The following HIVEP1 variants were observed in gnomAD, a reference collection of about 807,000 sequenced individuals.
HIVEP1 encodes the protein HIVEP zinc finger 1.
Under a neutral mutation model 180.0 loss-of-function variants are expected in HIVEP1, and 36 were observed. The observed-to-expected ratio is 0.20, with a 90% CI of 0.15 to 0.26. The LOEUF (loss-of-function observed/expected upper bound fraction) is 0.26, where lower values mean the gene tolerates loss of function less well. HIVEP1 is among the 10% of genes least tolerant of loss of function. HIVEP1 has a pLI of 1.00. For synonymous variants in HIVEP1, 1,239 were observed against 1,239.0 expected (o/e 1.00, Z 0.00); for missense variants, 3,143 against 3,268.7 (o/e 0.96, Z 0.94).
At chr6:12,130,991 GGAAAGCTAAA>G in intron 6 of HIVEP1, 49 bp downstream of exon 6, 1 of 1,393,818 alleles carries the variant, frequency 7.2e-7, no homozygotes, top group Admixed American at 2.0e-5. Flanking sequence ...TATTTAGGTG[GGAAAGCTAAA>G]ACCCAACTGT....
chr6:12,170,842 T>A, the HIVEP1 span, among the ~76,000 whole-genome samples: 12 of 151,982 alleles, frequency 7.9e-5, no homozygotes, highest in Non-Finnish European at 1.5e-4. Context: ...AGTGAAGCAG[T>A]CACAGGACAC....
intron 2 of HIVEP1, among the ~76,000 whole-genome samples, chr6:12,051,001 CATATATAT>C (rs1161977899): frequency 0.011 from 871 of 77,628 alleles, 27 homozygotes; most frequent in African/African-American, 0.032. Flanking sequence ...TACACAAGTG[CATATATAT>C]ATATATATAT....
At position 12,164,479 on chromosome 6, in the gene HIVEP1, T is replaced by G. The variant is rs1760630129; in HGVS notation, c.*18T>G. 1 of 1,555,768 alleles carries G rather than the reference T, an allele frequency of 6.4e-7. No individual in the cohort carries two copies. Among genetic ancestry groups the G allele is most frequent in the African/African-American group, 1.4e-5 (1 of 72,112 alleles). On this transcript the variant is annotated 3_prime_UTR_variant, in exon 9 of 9. Transcript: ENST00000379388. ...CAACCTGATGGATTTTATTTTTTAT[T>G]TGCTTTTTTTTTATATAACACTTAA...
At chr6:12,042,099 G>A (rs1338924735) in intron 2 of HIVEP1, among the ~76,000 whole-genome samples, 1 of 141,132 alleles carries the variant, frequency 7.1e-6, no homozygotes, top group East Asian at 2.1e-4. Flanking sequence ...TTGAGACGGA[G>A]TCTCGCTCTG....
intron 7 of HIVEP1, among the ~76,000 whole-genome samples, chr6:12,150,526 A>G (rs984581121): frequency 9.8e-5 from 15 of 152,340 alleles, no homozygotes; most frequent in Non-Finnish European, 2.1e-4. Context: ...ATTTTTAAAA[A>G]TTACTAGCAA....
At chr6:12,165,185 TTTC>T, downstream of HIVEP1, 1 of 489,246 alleles carries the variant, frequency 2.0e-6, no homozygotes, top group South Asian at 1.5e-5. Flanking sequence ...TTGACCTATT[TTTC>T]TTATTTGTGA....
At chr6:12,119,864 TTTG>T (rs142489989) in intron 3 of HIVEP1, 23 bp from the exon 4 acceptor site, 17,065 of 1,419,962 alleles carry the variant, frequency 0.012, 110 homozygotes, top group Non-Finnish European at 0.014. Flanking sequence ...TTACCAATTG[TTTG>T]TTGTTGTTGT....
intron 2 of HIVEP1, among the ~76,000 whole-genome samples, chr6:12,039,517 T>C (rs148067462): frequency 2.0e-4 from 30 of 152,348 alleles, no homozygotes; most frequent in Non-Finnish European, 3.8e-4. Context: ...GGTCATCCTC[T>C]GTCCTTACCT....
chr6:12,034,751 A>G (rs940261637), intron 2 of HIVEP1, among the ~76,000 whole-genome samples: 7 of 152,116 alleles, frequency 4.6e-5, no homozygotes, highest in African/African-American at 1.7e-4. Flanking sequence ...ATTTCTTCTC[A>G]TTGTGGGTAC....
downstream of HIVEP1, among the ~76,000 whole-genome samples, chr6:12,167,748 G>A (rs1206471664): frequency 3.5e-5 from 3 of 86,902 alleles, no homozygotes; most frequent in Admixed American, 2.6e-4. Flanking sequence ...GTATATGTGC[G>A]TGTATAATAT....
the HIVEP1 span, among the ~76,000 whole-genome samples, chr6:12,205,123 G>A: frequency 0.012 from 1,800 of 152,252 alleles, 21 homozygotes; most frequent in Non-Finnish European, 0.017. Context: ...AGTTTCATAA[G>A]CCACTCTAAG....
intron 7 of HIVEP1, among the ~76,000 whole-genome samples, chr6:12,153,082 G>A (rs868531869): frequency 6.6e-6 from 1 of 152,220 alleles, no homozygotes; most frequent in African/African-American, 2.4e-5. Context: ...ATATAATGCA[G>A]TATATTTGAA....
chr6:12,186,575 C>T, the HIVEP1 span, among the ~76,000 whole-genome samples: 1 of 145,404 alleles, frequency 6.9e-6, no homozygotes, highest in African/African-American at 2.5e-5. Context: ...GTATACTAAC[C>T]ATACGGTAAA....
Position 12,123,070 on chromosome 6 carries a change from A to G in HIVEP1, c.3275A>G (p.His1092Arg), listed in dbSNP as rs1280632766. The change falls in exon 4 of 9, where the codon CAT becomes CGT. Residue 1092 changes from histidine (H) to arginine (R), a missense_variant. This residue lies in a region of HIVEP1 where 1,357 missense variants were observed against 1,260.5 expected (regional missense o/e 1.08). Transcript: ENST00000379388. ...QHKNIQLQNS[H>R]IHLVARGPEQ... ...AAAAATATACAGTTGCAAAACTCCC[A>G]TATTCACCTTGTTGCCAGGGGCCCT... 2.5e-6 allele frequency: 4 copies of G among 1,614,082 alleles called. No homozygotes were observed. The highest frequency in any genetic ancestry group is 2.7e-5 in the African/African-American group (2 of 74,918).
At chr6:12,062,492 T>C (rs1328376744) in intron 2 of HIVEP1, among the ~76,000 whole-genome samples, 2 of 152,230 alleles carry the variant, frequency 1.3e-5, no homozygotes, top group Non-Finnish European at 2.9e-5. Flanking sequence ...GTTACATCTA[T>C]TCAGCAAGGA....
At chr6:12,105,227 C>T (rs1267021826) in intron 3 of HIVEP1, among the ~76,000 whole-genome samples, 3 of 152,134 alleles carry the variant, frequency 2.0e-5, no homozygotes, top group African/African-American at 7.2e-5. Context: ...TGCAATTTTC[C>T]CTTATTCCTA....
rs1278673751 is a variant in HIVEP1, at chr6:12,103,047, A to G, written c.94+13810A>G. 2.0e-5 allele frequency among the ~76,000 whole-genome samples: 3 copies of G among 152,216 alleles called. No individual in the cohort carries two copies. The East Asian group carries it at 5.8e-4, about 29-fold the overall frequency. ...TGAGTTTTTTTATGAGAAGGGTATT[A>G]AACATTTAGTTTCACTGAAGCTAAA... On this transcript the variant is annotated intron_variant, in intron 3 of 8. Transcript: ENST00000379388.
At chr6:12,056,029 T>C (rs1770845507) in intron 2 of HIVEP1, among the ~76,000 whole-genome samples, 2 of 152,176 alleles carry the variant, frequency 1.3e-5, no homozygotes, top group South Asian at 4.1e-4. Flanking sequence ...GCAGAAGTCA[T>C]ATATTGGATT....
intron 3 of HIVEP1, among the ~76,000 whole-genome samples, chr6:12,116,203 A>G (rs1009290894): frequency 6.6e-6 from 1 of 152,058 alleles, no homozygotes; most frequent in African/African-American, 2.4e-5. Context: ...TAATAGATAG[A>G]TTTAAAATTA....
Sources: gnomAD v4.1 joint callset for allele counts (sites outside exome capture counted in the v4.1 genomes callset) on GRCh38, gnomAD v4.1.1 for gene constraint, gnomAD v4.1.1 regional missense constraint, MANE v1.5 for transcripts, NCBI Gene and HGNC (gene_info 2026-07-23, HGNC 2026-07-21) for gene names.